RB1: variants seen among roughly 807,000 people sequenced by gnomAD.
RB1 encodes retinoblastoma-associated protein.
Under a neutral mutation model 135.4 loss-of-function variants are expected in RB1, and 18 were observed. The observed-to-expected ratio is 0.13, with a 90% CI of 0.09 to 0.20. The LOEUF is 0.20. Among genes scored for constraint, RB1 ranks in the 10% least tolerant of loss-of-function variants. The pLI is 1.00. For synonymous variants in RB1, 365 were observed against 373.2 expected (o/e 0.98, Z 0.25); for missense variants, 868 against 1,110.0 (o/e 0.78, Z 3.10).
chr13:48,386,080 G>A (rs1358029235), intron 17 of RB1, among the ~76,000 whole-genome samples: 1 of 150,928 alleles, frequency 6.6e-6, no homozygotes, highest in Non-Finnish European at 1.5e-5. Context: ...TGGCATGGTG[G>A]CATGTTCCTG....
intron 4 of RB1, among the ~76,000 whole-genome samples, chr13:48,345,957 C>T (rs568763333): frequency 6.6e-6 from 1 of 151,988 alleles, no homozygotes; most frequent in African/African-American, 2.4e-5. Flanking sequence ...TTTTCTCCCC[C>T]TTTTTCTTTT....
chr13:48,303,941 C>T lies in RB1; in HGVS notation c.29C>T (p.Ala10Val), dbSNP rs2138027139. ...CCGCCCAAAACCCCCCGAAAAACGGCCGCCACCGCCGCCGCTGCCGCCGCG... is the reference window on the plus strand; with the variant it reads ...CCGCCCAAAACCCCCCGAAAAACGGTCGCCACCGCCGCCGCTGCCGCCGCG... The part of the protein sequence containing the change: MPPKTPRKT[A>V]ATAAAAAAEP... The change falls in exon 1 of 27, where the codon GCC becomes GTC. Residue 10 changes from alanine (A) to valine (V), a missense_variant. By Grantham distance (64) the Ala-to-Val change is moderately conservative. Transcript: ENST00000267163. The T allele has an allele frequency of 1.3e-6, 2 of 1,509,568 alleles. No individual in the cohort carries two copies. The highest frequency in any genetic ancestry group is 2.1e-5 in the Admixed American group (1 of 48,554). The allele number at this position is 1,509,568 out of a possible 1,614,324, so 93.5% of individuals were successfully genotyped here.
chr13:48,400,393 A>T (rs1009563466), intron 17 of RB1, among the ~76,000 whole-genome samples: 2 of 152,138 alleles, frequency 1.3e-5, no homozygotes, highest in Non-Finnish European at 2.9e-5. Flanking sequence ...AACTCAGGCT[A>T]TCTGGTTCCA....
intron 17 of RB1, among the ~76,000 whole-genome samples, chr13:48,423,676 G>A (rs1183225940): frequency 1.3e-5 from 2 of 152,022 alleles, no homozygotes; most frequent in African/African-American, 4.8e-5. Context: ...CAGGGGATAT[G>A]CAAAAAGAAA....
intron 17 of RB1, among the ~76,000 whole-genome samples, chr13:48,396,595 T>C (rs1948650264): frequency 6.6e-6 from 1 of 152,090 alleles, no homozygotes; most frequent in African/African-American, 2.4e-5. Flanking sequence ...GGGCAAAGAC[T>C]TCATGACCAA....
chr13:48,329,182 T>C (rs1307018795), intron 2 of RB1, among the ~76,000 whole-genome samples: 1 of 152,230 alleles, frequency 6.6e-6, no homozygotes, highest in Non-Finnish European at 1.5e-5. Flanking sequence ...TTTCTACTTA[T>C]GTTCCTGTTT....
At chr13:48,383,865 T>C (rs1252741084) in intron 17 of RB1, among the ~76,000 whole-genome samples, 1 of 152,118 alleles carries the variant, frequency 6.6e-6, no homozygotes, top group Admixed American at 6.6e-5. Flanking sequence ...ATTGAGATAT[T>C]CCTGTATCAT....
chr13:48,349,007 A>G lies in RB1; in HGVS notation c.591A>G (p.Thr197=). ...TGGTGCTAAAAGTTTCTTGGATCAC[A>G]TTTTTATTAGCTAAAGGTAAGTTCA... ...SALVLKVSWI[T]FLLAKGEVLQ... is the part of the protein sequence containing the mutation. The change falls in exon 6 of 27, where the codon ACA becomes ACG. Residue 197 remains threonine, a synonymous_variant. Coordinates refer to ENST00000267163, the MANE Select transcript of RB1 (RefSeq NM_000321.3). The G allele has an allele frequency of 1.3e-6, 2 of 1,599,852 alleles. No homozygotes were observed. The highest frequency in any genetic ancestry group is 1.7e-6 in the Non-Finnish European group (2 of 1,170,716).
chr13:48,448,726 A>G (rs1229611502), intron 17 of RB1, among the ~76,000 whole-genome samples: 1 of 152,232 alleles, frequency 6.6e-6, no homozygotes, highest in Non-Finnish European at 1.5e-5. Context: ...AAGAAATTCA[A>G]ATAAAATAAT....
chr13:48,386,727 A>T (rs1187230255), intron 17 of RB1, among the ~76,000 whole-genome samples: 1 of 152,200 alleles, frequency 6.6e-6, no homozygotes, highest in Non-Finnish European at 1.5e-5. Context: ...AGCTTGACAG[A>T]GTCCTAATAT....
chr13:48,454,414 T>C (rs1949347834), intron 18 of RB1, among the ~76,000 whole-genome samples: 1 of 152,250 alleles, frequency 6.6e-6, no homozygotes, highest in South Asian at 2.1e-4. Context: ...TATACATTTG[T>C]TTCCTAAGTA....
intron 6 of RB1, among the ~76,000 whole-genome samples, chr13:48,355,350 A>T (rs191353848): frequency 1.1e-4 from 16 of 152,312 alleles, no homozygotes; most frequent in Non-Finnish European, 5.9e-5. Flanking sequence ...AGAAATGCAA[A>T]TCAAAACTAC....
In RB1 at chr13:48,391,620, AT is replaced by A. The variant is rs1284387748; in HGVS notation, c.1695+10187del. On this transcript the variant is annotated intron_variant, in intron 17 of 26. Transcript: ENST00000267163. ...TATAAAACAAACAAAAAGCATTTCT[AT>A]TTTTTTTTTCTTTTTGAGATGGAGT... 6.4e-3 allele frequency: 948 copies of A among 149,080 alleles called. 6 individuals are homozygous for A. Among genetic ancestry groups the A allele is most frequent in the African/African-American group, 0.022 (890 of 40,626 alleles). 9.2% of individuals were successfully genotyped at this position (149,080 alleles called of 1,614,324 possible).
intron 17 of RB1, among the ~76,000 whole-genome samples, chr13:48,395,084 A>T (rs1369026712): frequency 4.5e-5 from 1 of 22,196 alleles, no homozygotes. Context: ...TGCAACCTCC[A>T]CTGGTGATAC....
chr13:48,458,149 C>T (rs921349418), intron 19 of RB1, among the ~76,000 whole-genome samples: 2 of 152,194 alleles, frequency 1.3e-5, no homozygotes, highest in African/African-American at 4.8e-5. Context: ...TGGAGCGTGC[C>T]GCCCCATCCA....
rs150996674 is a variant in RB1 at position 48,404,892 on chromosome 13, T to C, written c.1695+23449T>C. 2.6e-3 allele frequency among the ~76,000 whole-genome samples: 397 copies of C among 152,158 alleles called. 1 individual carries two copies. The highest frequency in any genetic ancestry group is 4.4e-3 in the Non-Finnish European group (302 of 67,994). ...TTCCAGAGAGAAAAAGTAAGCTATT[T>C]TAGGGGAATGAGATCCAGATCAGCA... On this transcript the variant is annotated intron_variant, in intron 17 of 26. Coordinates refer to ENST00000267163, the MANE Select transcript of RB1 (RefSeq NM_000321.3).
intron 17 of RB1, among the ~76,000 whole-genome samples, chr13:48,391,767 C>T (rs1201522710): frequency 6.6e-6 from 1 of 151,454 alleles, no homozygotes; most frequent in East Asian, 2.0e-4. Context: ...TACAGGCACA[C>T]GCCACCATGC....
At chr13:48,381,576 T>C (rs992198127) in intron 17 of RB1, 133 bp downstream of exon 17, 2 of 897,452 alleles carry the variant, frequency 2.2e-6, no homozygotes, top group Non-Finnish European at 3.5e-6. Context: ...TTTCAGTCTA[T>C]AGCCCAAGGA....
intron 17 of RB1, among the ~76,000 whole-genome samples, chr13:48,405,461 C>G (rs1268935496): frequency 6.6e-6 from 1 of 152,134 alleles, no homozygotes; most frequent in Non-Finnish European, 1.5e-5. Flanking sequence ...GTGTTTTTCT[C>G]CCATCCTTGT....
Sources: gnomAD v4.1 joint callset for allele counts (sites outside exome capture counted in the v4.1 genomes callset) on GRCh38, gnomAD v4.1.1 for gene constraint, MANE v1.5 for transcripts, NCBI Gene and HGNC (gene_info 2026-07-23, HGNC 2026-07-21) for gene names.